B4GALNT3: variants seen among roughly 807,000 people sequenced by gnomAD.
B4GALNT3 encodes beta-1,4-N-acetylgalactosaminyltransferase 3.
B4GALNT3 carries 86 observed loss-of-function variants against 120.2 expected under a neutral mutation model. That is an observed-to-expected ratio of 0.72 (90% confidence interval 0.60 to 0.86). The LOEUF (loss-of-function observed/expected upper bound fraction) is 0.86, where lower values mean the gene tolerates loss of function less well. Ranked by LOEUF, B4GALNT3 falls within the 40% of genes least tolerant of loss-of-function variation. The pLI, the probability that B4GALNT3 is intolerant of heterozygous loss-of-function variation, is 0.00. For synonymous variants in B4GALNT3, 518 were observed against 510.4 expected (o/e 1.01, Z -0.20); for missense variants, 1,167 against 1,298.9 (o/e 0.90, Z 1.56).
At chr12:484,799 T>TAAA (rs71045065) in intron 1 of B4GALNT3, among the ~76,000 whole-genome samples, 4 of 144,080 alleles carry the variant, frequency 2.8e-5, no homozygotes, top group Admixed American at 6.9e-5. Context: ...GGAGAAAAAT[T>TAAA]AAAAAAAAAA....
rs189350597 is a variant in B4GALNT3 at position 482,724 on chromosome 12, C to T, written c.169+22179C>T. ...TTCTTAAGCATATGCAGCCAGGCACCGTGGCACACACCTATAGTTCCGGCT... is the reference window on the plus strand; with the variant it reads ...TTCTTAAGCATATGCAGCCAGGCACTGTGGCACACACCTATAGTTCCGGCT... On this transcript the variant is annotated intron_variant, in intron 1 of 19. Transcript: ENST00000266383. Among the ~76,000 whole-genome samples the T allele has an allele frequency of 6.0e-3, 914 of 152,154 alleles. 3 individuals are homozygous for T. Among genetic ancestry groups the T allele is most frequent in the Non-Finnish European group, 9.7e-3 (657 of 67,994 alleles).
In B4GALNT3 at chr12:548,350, A is replaced by G; in HGVS notation, c.853+53A>G. 1 of 1,553,920 alleles carries G rather than the reference A, an allele frequency of 6.4e-7. No individual in the cohort carries two copies. The highest frequency in any genetic ancestry group is 8.9e-7 in the Non-Finnish European group (1 of 1,126,044). ...GATGGAGGCCAGGTGGGGACAGCCT[A>G]CCCTGGGGGATTTGGCAGGGGAGGA... On this transcript the variant is annotated intron_variant, in intron 9 of 19. Coordinates refer to ENST00000266383, the MANE Select transcript of B4GALNT3 (RefSeq NM_173593.4). This position sits in a 1 kb window ranked among gnomAD's most constrained non-coding sequence, Gnocchi z 4.9.
At chr12:545,141 C>T (rs1446708772) in intron 5 of B4GALNT3, 169 bp downstream of exon 5, 1 of 1,445,678 alleles carries the variant, frequency 6.9e-7, no homozygotes, top group East Asian at 2.5e-5. Flanking sequence ...CTCCCACAGG[C>T]TGCTGCTTTG....
At chr12:554,076 C>T (rs1947116237) in intron 14 of B4GALNT3, 93 bp downstream of exon 14, 1 of 850,768 alleles carries the variant, frequency 1.2e-6, no homozygotes, top group African/African-American at 1.7e-5. Flanking sequence ...TAGTGGGTTC[C>T]CCCAGCCGCG....
intron 1 of B4GALNT3, among the ~76,000 whole-genome samples, chr12:487,968 C>T (rs1687344469): frequency 2.0e-5 from 3 of 151,846 alleles, no homozygotes; most frequent in Admixed American, 1.3e-4. Context: ...AACAAAAAAC[C>T]CAAAACTTGT....
At chr12:527,745 G>C (rs185929486) in intron 1 of B4GALNT3, among the ~76,000 whole-genome samples, 1 of 152,312 alleles carries the variant, frequency 6.6e-6, no homozygotes, top group Admixed American at 6.5e-5. Context: ...TGAGAAGGAA[G>C]AGCTTGGGAG....
intron 7 of B4GALNT3, among the ~76,000 whole-genome samples, chr12:547,807 G>T (rs114892114): frequency 0.013 from 1,941 of 152,316 alleles, 23 homozygotes; most frequent in Middle Eastern, 0.041. Flanking sequence ...TCCTGTGGAG[G>T]AGGTACTCTG....
At chr12:496,903 GGTCTT>G (rs147873377) in intron 1 of B4GALNT3, among the ~76,000 whole-genome samples, 5,384 of 152,290 alleles carry the variant, frequency 0.035, 87 homozygotes, top group South Asian at 0.085. Context: ...TTAGAGACAG[GGTCTT>G]GCTCTGCCGC....
chr12:485,638 A>G (rs111335137), intron 1 of B4GALNT3, among the ~76,000 whole-genome samples: 1 of 152,246 alleles, frequency 6.6e-6, no homozygotes, highest in Non-Finnish European at 1.5e-5. Flanking sequence ...TAGGAAGCTT[A>G]AAAAATAACT....
chr12:555,813 C>T (rs1445843462), intron 14 of B4GALNT3, among the ~76,000 whole-genome samples: 1 of 150,738 alleles, frequency 6.6e-6, no homozygotes, highest in Non-Finnish European at 1.5e-5. Flanking sequence ...GAGACGGAGT[C>T]TCGCTCTGTC....
chr12:536,678 G>A (rs1232077398), intron 3 of B4GALNT3, among the ~76,000 whole-genome samples: 2 of 152,090 alleles, frequency 1.3e-5, no homozygotes, highest in Admixed American at 6.6e-5. Context: ...TTCACTCCAC[G>A]CGTTCCAGGT....
At chr12:511,910 G>C (rs374402420) in intron 1 of B4GALNT3, among the ~76,000 whole-genome samples, 10 of 49,870 alleles carry the variant, frequency 2.0e-4, no homozygotes, top group East Asian at 8.1e-4. Context: ...TTCCGCCTTC[G>C]ACCTTCTTCC....
intron 1 of B4GALNT3, among the ~76,000 whole-genome samples, chr12:527,924 T>G (rs868524771): frequency 1.5e-4 from 23 of 149,034 alleles, no homozygotes; most frequent in African/African-American, 3.7e-4. Flanking sequence ...GGTCTGGGGG[T>G]GTGTGTGTGT....
In B4GALNT3 at chr12:512,627, A is replaced by T. The variant is rs374671830; in HGVS notation, c.170-22539A>T. 9.9e-5 allele frequency among the ~76,000 whole-genome samples: 7 copies of T among 70,984 alleles called. 1 individual carries two copies. The highest frequency in any genetic ancestry group is 1.9e-4 in the African/African-American group (3 of 15,570). 46.6% of individuals were successfully genotyped at this position (70,984 alleles called of 152,430 possible). On this transcript the variant is annotated intron_variant, in intron 1 of 19. Transcript: ENST00000266383. Reference sequence around the variant, plus strand: ...TTCCACCTTCCACCTTCCGCCTTCCACCTTCCGCCTTCCACCTTCCACCTT... The same window carrying T: ...TTCCACCTTCCACCTTCCGCCTTCCTCCTTCCGCCTTCCACCTTCCACCTT...
chr12:501,890 C>T (rs1196666651), intron 1 of B4GALNT3, among the ~76,000 whole-genome samples: 1 of 152,194 alleles, frequency 6.6e-6, no homozygotes, highest in Non-Finnish European at 1.5e-5. Context: ...CCGGTGCAGG[C>T]GGTACTGTAC....
chr12:542,626 C>T (rs1946930785), intron 3 of B4GALNT3, among the ~76,000 whole-genome samples: 1 of 152,134 alleles, frequency 6.6e-6, no homozygotes, highest in Non-Finnish European at 1.5e-5. Context: ...CTTCCCCTCT[C>T]CTCTCAAATT....
At position 561,060 on chromosome 12, in the gene B4GALNT3, TTAGA is replaced by T. The variant is rs60736810; in HGVS notation, c.2889-274_2889-271del. ...TGTATATAGTATGTCTACTCTAATA[TTAGA>T]TAGATAGAATTCTATATCACACATT... On this transcript the variant is annotated intron_variant, in intron 19 of 19. Transcript: ENST00000266383. Among the ~76,000 whole-genome samples, 57 of 152,352 alleles carry T rather than the reference TTAGA, an allele frequency of 3.7e-4. No homozygotes were observed. In the East Asian group the frequency reaches 8.7e-3, roughly 23 times the overall value.
intron 1 of B4GALNT3, among the ~76,000 whole-genome samples, chr12:463,296 C>T (rs1028408084): frequency 3.3e-5 from 5 of 152,182 alleles, no homozygotes; most frequent in African/African-American, 1.2e-4. Context: ...TCTTTATCTT[C>T]GTGAAATAAC....
intron 1 of B4GALNT3, among the ~76,000 whole-genome samples, chr12:510,452 T>G (rs11830324): frequency 7.2e-6 from 1 of 138,894 alleles, no homozygotes; most frequent in Non-Finnish European, 1.6e-5. Flanking sequence ...CATGGGGGGG[T>G]TGGACGCTGG....
Sources: gnomAD v4.1 joint callset for allele counts (sites outside exome capture counted in the v4.1 genomes callset) on GRCh38, gnomAD v4.1.1 for gene constraint, Gnocchi (gnomAD v3.1) non-coding constraint, MANE v1.5 for transcripts, NCBI Gene and HGNC (gene_info 2026-07-23, HGNC 2026-07-21) for gene names.